The following RPP25 variants were observed in gnomAD, a reference collection of about 807,000 sequenced individuals.
The protein encoded by RPP25 is ribonuclease P protein subunit p25.
In RPP25, 2 loss-of-function variants were observed where a neutral mutation model predicts 4.4. The ratio of observed to expected loss-of-function variants is 0.45; its 90% CI spans 0.19 to 1.43. The LOEUF is 1.43. Ranked by LOEUF, RPP25 falls within the 40% of genes most tolerant of loss-of-function variation. The pLI is 0.26. For missense variants in RPP25, 319 were observed against 293.8 expected (o/e 1.09, Z -0.63); for synonymous variants, 144 against 136.2 (o/e 1.06, Z -0.40).
rs368732506 is a variant in RPP25, at chr15:74,955,944, G to T, written c.*40C>A. The T allele has an allele frequency of 1.9e-6, 3 of 1,609,796 alleles. No individual in the cohort carries two copies. The highest frequency in any genetic ancestry group is 2.5e-6 in the Non-Finnish European group (3 of 1,178,994). On this transcript the variant is annotated 3_prime_UTR_variant, in exon 1 of 1. Transcript: ENST00000322177. ...TACATCTGAAGGTGGAGGCGCTGGCGGAAGATCCTGCCGGACTAGGTGGCC... is the reference window on the plus strand; with the variant it reads ...TACATCTGAAGGTGGAGGCGCTGGCTGAAGATCCTGCCGGACTAGGTGGCC...
chr15:74,954,760 G>A lies in RPP25; in HGVS notation c.*1224C>T, dbSNP rs528907739. Reference sequence around the variant, plus strand: ...CTGCTGAATAGTAATTTCCAGCAGTGGATTTGTGCTCAGTCTCTCTCCTCC... The same window carrying A: ...CTGCTGAATAGTAATTTCCAGCAGTAGATTTGTGCTCAGTCTCTCTCCTCC... On this transcript the variant is annotated 3_prime_UTR_variant, in exon 1 of 1. Transcript: ENST00000322177. 6.6e-6 allele frequency: 1 copy of A among 152,406 alleles called. No homozygotes were observed. The highest frequency in any genetic ancestry group is 1.9e-4 in the East Asian group (1 of 5,176). 9.4% of individuals were successfully genotyped at this position (152,406 alleles called of 1,614,324 possible).
rs2065469518 is a variant in RPP25 at position 74,956,194 on chromosome 15, C to T, written c.390G>A (p.Lys130=). The T allele has an allele frequency of 1.9e-6, 3 of 1,574,884 alleles. No individual in the cohort carries two copies. Among genetic ancestry groups the T allele is most frequent in the African/African-American group, 2.7e-5 (2 of 74,136 alleles). The stretch of plus-strand genomic sequence containing the variant: ...GTAGGATGGCGAGGCCGGGCACGTT[C>T]TTAAGTACGCTGAGACTAGCGGCCG... The part of the protein sequence containing the change: ...GEPAASLSVL[K]NVPGLAILLS... Residue 130 remains lysine (K), a synonymous_variant, in exon 1 of 1, where the codon AAG becomes AAA. Transcript: ENST00000322177.
chr15:74,956,504 G>T lies in RPP25; in HGVS notation c.80C>A (p.Pro27His), dbSNP rs1281741710. 3 of 1,538,874 alleles carry T rather than the reference G, an allele frequency of 1.9e-6. No homozygotes were observed. In the South Asian group the frequency reaches 3.6e-5, roughly 18 times the overall value. ...CGCGCCCGGCGCCAGGTCTGCGAAG[G>T]GGCCGGAGCCCGGGCCGCCTCCCTC... ...GAEGGGPGSG[P>H]FADLAPGAVH... The change falls in exon 1 of 1, where the codon CCC (proline) becomes CAC (histidine). Residue 27 changes from proline (P) to histidine (H), a missense_variant. Transcript: ENST00000322177.
rs903416109 is a variant in RPP25 at position 74,956,687 on chromosome 15, G to A, written c.-104C>T. On this transcript the variant is annotated 5_prime_UTR_variant, in exon 1 of 1. Coordinates refer to ENST00000322177, the MANE Select transcript of RPP25 (RefSeq NM_017793.3). ...TGCAAGGGCCAGCAGGGGTAAGGGC[G>A]CCGGAGCAGCGCAGACGCCGGCGGG... The A allele has an allele frequency of 3.1e-6, 4 of 1,290,742 alleles. No individual in the cohort carries two copies. In the African/African-American group the frequency reaches 4.7e-5, roughly 15 times the overall value. The allele number at this position is 1,290,742 out of a possible 1,614,324, so 80.0% of individuals were successfully genotyped here.
rs916455893 is a variant in RPP25 at position 74,954,835 on chromosome 15, G to A, written c.*1149C>T. ...TTTCTCAGAGAGAGGGCAGTGAAGG[G>A]GAGATCCTACCCACAGAGCTGGGGG... On this transcript the variant is annotated 3_prime_UTR_variant, in exon 1 of 1. Coordinates refer to ENST00000322177, the MANE Select transcript of RPP25 (RefSeq NM_017793.3). 4 of 152,258 alleles carry A rather than the reference G, an allele frequency of 2.6e-5. No individual in the cohort carries two copies. The highest frequency in any genetic ancestry group is 6.5e-5 in the Admixed American group (1 of 15,276). 9.4% of individuals were successfully genotyped at this position (152,258 alleles called of 1,614,324 possible).
In RPP25 at chr15:74,956,011, C is replaced by G; in HGVS notation, c.573G>C (p.Gly191=). Residue 191 remains glycine, a synonymous_variant, in exon 1 of 1, where the codon GGG becomes GGC. Transcript: ENST00000322177. ...AGGCCGTCTGATCCTCGTCCGCAAC[C>G]CCTGGCTCGGGTTGCGATCGCTTCG... ...GSAKRSQPEP[G]VADEDQTA 1 of 1,612,660 alleles carries G rather than the reference C, an allele frequency of 6.2e-7. No individual in the cohort carries two copies. Among genetic ancestry groups the G allele is most frequent in the Non-Finnish European group, 8.5e-7 (1 of 1,179,848 alleles).
Position 74,956,592 on chromosome 15 carries a change from G to C in RPP25, c.-9C>G. The C allele has an allele frequency of 6.9e-7, 1 of 1,440,642 alleles. No homozygotes were observed. Among genetic ancestry groups the C allele is most frequent in the Non-Finnish European group, 9.0e-7 (1 of 1,106,742 alleles). 89.2% of individuals were successfully genotyped at this position (1,440,642 alleles called of 1,614,324 possible). A position where few individuals can be genotyped will look rare whatever the true frequency, so the allele number is the denominator to read the frequency against. The stretch of plus-strand genomic sequence containing the variant: ...TTACGGAAGTTCTCCATGCGCCGTC[G>C]TCGCCGGGACCGCCGGCTTTGCCAT... On this transcript the variant is annotated 5_prime_UTR_variant, in exon 1 of 1. Coordinates refer to ENST00000322177, the MANE Select transcript of RPP25 (RefSeq NM_017793.3).
In RPP25 at chr15:74,955,532, C is replaced by T. The variant is rs548473738; in HGVS notation, c.*452G>A. 11 of 173,956 alleles carry T rather than the reference C, an allele frequency of 6.3e-5. No individual in the cohort carries two copies. The South Asian group carries it at 1.3e-3, about 20-fold the overall frequency. The allele number at this position is 173,956 out of a possible 1,614,324, so 10.8% of individuals were successfully genotyped here. A position where few individuals can be genotyped will look rare whatever the true frequency, so the allele number is the denominator to read the frequency against. On this transcript the variant is annotated 3_prime_UTR_variant, in exon 1 of 1. Coordinates refer to ENST00000322177, the MANE Select transcript of RPP25 (RefSeq NM_017793.3). Reference sequence around the variant, plus strand: ...ATAGGGCCCCCACATCTCAGACTCTCCTACCCTCAAGCAGTTAATTCTCAC... The same window carrying T: ...ATAGGGCCCCCACATCTCAGACTCTTCTACCCTCAAGCAGTTAATTCTCAC...
chr15:74,956,021 G>T lies in RPP25; in HGVS notation c.563C>A (p.Pro188His), dbSNP rs752511605. 6.2e-7 allele frequency: 1 copy of T among 1,612,292 alleles called. No individual in the cohort carries two copies. Among genetic ancestry groups the T allele is most frequent in the South Asian group, 1.1e-5 (1 of 90,856 alleles). The change falls in exon 1 of 1, where the codon CCC becomes CAC. Residue 188 changes from proline to histidine, a missense_variant. Physicochemically the swap from Pro to His is moderately conservative, Grantham distance 77. Coordinates refer to ENST00000322177, the MANE Select transcript of RPP25 (RefSeq NM_017793.3). ...ATCCTCGTCCGCAACCCCTGGCTCGGGTTGCGATCGCTTCGCGGAGCCTTC... is the reference window on the plus strand; with the variant it reads ...ATCCTCGTCCGCAACCCCTGGCTCGTGTTGCGATCGCTTCGCGGAGCCTTC... ...AGEGSAKRSQPEPGVADEDQT... is the reference protein window; with the variant it reads ...AGEGSAKRSQHEPGVADEDQT...
At position 74,955,975 on chromosome 15, in the gene RPP25, T is replaced by G. The variant is rs1267684559; in HGVS notation, c.*9A>C. ...TCCTGCCGGACTAGGTGGCCCACAGTCCGGAGTTTCAGGCCGTCTGATCCT... is the reference window on the plus strand; with the variant it reads ...TCCTGCCGGACTAGGTGGCCCACAGGCCGGAGTTTCAGGCCGTCTGATCCT... On this transcript the variant is annotated 3_prime_UTR_variant, in exon 1 of 1. Coordinates refer to ENST00000322177, the MANE Select transcript of RPP25 (RefSeq NM_017793.3). 8 of 1,612,422 alleles carry G rather than the reference T, an allele frequency of 5.0e-6. No individual in the cohort carries two copies. Among genetic ancestry groups the G allele is most frequent in the South Asian group, 2.2e-5 (2 of 90,964 alleles).
chr15:74,956,127 G>T lies in RPP25; in HGVS notation c.457C>A (p.Pro153Thr). The T allele has an allele frequency of 6.2e-7, 1 of 1,605,916 alleles. No individual in the cohort carries two copies. The highest frequency in any genetic ancestry group is 8.5e-7 in the Non-Finnish European group (1 of 1,177,362). Residue 153 changes from proline (P) to threonine (T), a missense_variant, in exon 1 of 1, where the codon CCC (proline) becomes ACC (threonine). Pro to Thr is a conservative substitution (Grantham distance 38, BLOSUM62 -1). Transcript: ENST00000322177. ...ALDPRQPGYQ[P>T]PNPHPGPSSP... The stretch of plus-strand genomic sequence containing the variant: ...GAGGGACCAGGATGGGGATTCGGGG[G>T]CTGGTAGCCGGGCTGTCGCGGATCC...
rs2065472119 is a variant in RPP25 at position 74,956,553 on chromosome 15, C to T, written c.31G>A (p.Glu11Lys). 2.0e-6 allele frequency: 3 copies of T among 1,508,332 alleles called. No individual in the cohort carries two copies. Among genetic ancestry groups the T allele is most frequent in the South Asian group, 1.2e-5 (1 of 80,322 alleles). 93.4% of individuals were successfully genotyped at this position (1,508,332 alleles called of 1,614,324 possible). A position where few individuals can be genotyped will look rare whatever the true frequency, so the allele number is the denominator to read the frequency against. ...TCGGCCCCGCACCCCGCTGGCGCCT[C>T]TTCGGAGCGCACCTTACGGAAGTTC... Reference protein sequence around the residue: MENFRKVRSEEAPAGCGAEGG... With the variant: MENFRKVRSEKAPAGCGAEGG... The change falls in exon 1 of 1, where the codon GAG (glutamate) becomes AAG (lysine). Residue 11 changes from glutamate (E) to lysine (K), a missense_variant. By Grantham distance (56) the Glu-to-Lys change is moderately conservative. Coordinates refer to ENST00000322177, the MANE Select transcript of RPP25 (RefSeq NM_017793.3).
In RPP25 at chr15:74,956,613, G is replaced by A; in HGVS notation, c.-30C>T. The A allele has an allele frequency of 7.0e-7, 1 of 1,421,018 alleles. No homozygotes were observed. Among genetic ancestry groups the A allele is most frequent in the Non-Finnish European group, 9.1e-7 (1 of 1,097,944 alleles). The allele number at this position is 1,421,018 out of a possible 1,614,324, so 88.0% of individuals were successfully genotyped here. A position where few individuals can be genotyped will look rare whatever the true frequency, so the allele number is the denominator to read the frequency against. ...CGTCGTCGCCGGGACCGCCGGCTTT[G>A]CCATGGGGCGGCCTCAGCCCCGGGG... On this transcript the variant is annotated 5_prime_UTR_variant, in exon 1 of 1. Transcript: ENST00000322177.
Position 74,954,840 on chromosome 15 carries a change from T to A in RPP25, c.*1144A>T, listed in dbSNP as rs2065460776. ...CAGAGAGAGGGCAGTGAAGGGGAGA[T>A]CCTACCCACAGAGCTGGGGGCTTTG... On this transcript the variant is annotated 3_prime_UTR_variant, in exon 1 of 1. Transcript: ENST00000322177. 1 of 152,234 alleles carries A rather than the reference T, an allele frequency of 6.6e-6. No individual in the cohort carries two copies. The highest frequency in any genetic ancestry group is 1.5e-5 in the Non-Finnish European group (1 of 68,070). The allele number at this position is 152,234 out of a possible 1,614,324, so 9.4% of individuals were successfully genotyped here.
In RPP25 at chr15:74,956,716, G is replaced by T. The variant is rs2065473069; in HGVS notation, c.-133C>A. ...GAGCAGCGCAGACGCCGGCGGGCGG[G>T]CTGGGACGGCGCGATCTCGGCCCCA... is the stretch of plus-strand genomic sequence containing the variant. On this transcript the variant is annotated 5_prime_UTR_variant, in exon 1 of 1. Coordinates refer to ENST00000322177, the MANE Select transcript of RPP25 (RefSeq NM_017793.3). The T allele has an allele frequency of 9.3e-7, 1 of 1,074,666 alleles. No individual in the cohort carries two copies. Among genetic ancestry groups the T allele is most frequent in the Non-Finnish European group, 1.2e-6 (1 of 823,902 alleles). 66.6% of individuals were successfully genotyped at this position (1,074,666 alleles called of 1,614,324 possible).
At position 74,955,811 on chromosome 15, in the gene RPP25, G is replaced by C. The variant is rs2065465866; in HGVS notation, c.*173C>G. 1.2e-6 allele frequency: 1 copy of C among 832,892 alleles called. No homozygotes were observed. The highest frequency in any genetic ancestry group is 3.2e-4 in the Middle Eastern group (1 of 3,130). 51.6% of individuals were successfully genotyped at this position (832,892 alleles called of 1,614,324 possible). Reference sequence around the variant, plus strand: ...CTAGGGTGGTCGGGGATCCTCTCCTGCCACTCCTGGGGCCCCTCTCTTGTC... The same window carrying C: ...CTAGGGTGGTCGGGGATCCTCTCCTCCCACTCCTGGGGCCCCTCTCTTGTC... On this transcript the variant is annotated 3_prime_UTR_variant, in exon 1 of 1. Transcript: ENST00000322177.
Position 74,956,326 on chromosome 15 carries a change from G to C in RPP25, c.258C>G (p.Arg86=). Residue 86 remains arginine, a synonymous_variant, in exon 1 of 1, where the codon CGC becomes CGG. Coordinates refer to ENST00000322177, the MANE Select transcript of RPP25 (RefSeq NM_017793.3). ...KTVTCAEILK[R]RLAGLHQVTR... ...TGACCTGGTGCAGGCCCGCCAGGCG[G>C]CGCTTGAGGATCTCGGCGCACGTGA... 6.2e-7 allele frequency: 1 copy of C among 1,601,678 alleles called. No homozygotes were observed.
chr15:74,956,707 G>A lies in RPP25; in HGVS notation c.-124C>T. On this transcript the variant is annotated 5_prime_UTR_variant, in exon 1 of 1. Transcript: ENST00000322177. The stretch of plus-strand genomic sequence containing the variant: ...AGGGCGCCGGAGCAGCGCAGACGCC[G>A]GCGGGCGGGCTGGGACGGCGCGATC... 8.5e-7 allele frequency: 1 copy of A among 1,169,904 alleles called. No homozygotes were observed. The highest frequency in any genetic ancestry group is 1.1e-6 in the Non-Finnish European group (1 of 907,030). The allele number at this position is 1,169,904 out of a possible 1,614,324, so 72.5% of individuals were successfully genotyped here.
rs903320027 is a variant in RPP25, at chr15:74,956,327, C to T, written c.257G>A (p.Arg86His). 8.1e-6 allele frequency: 13 copies of T among 1,601,428 alleles called. No homozygotes were observed. The highest frequency in any genetic ancestry group is 1.1e-5 in the Non-Finnish European group (13 of 1,178,280). The change falls in exon 1 of 1, where the codon CGC becomes CAC. Residue 86 changes from arginine (R) to histidine (H), a missense_variant. Transcript: ENST00000322177. Reference protein sequence around the residue: ...KTVTCAEILKRRLAGLHQVTR... With the variant: ...KTVTCAEILKHRLAGLHQVTR... ...GACCTGGTGCAGGCCCGCCAGGCGG[C>T]GCTTGAGGATCTCGGCGCACGTGAC...
Sources: allele counts gnomAD v4.1 joint callset, GRCh38; gene constraint gnomAD v4.1.1; transcripts MANE v1.5; gene names NCBI Gene and HGNC (gene_info 2026-07-23, HGNC 2026-07-21).